The following POMGNT2 variants were observed in gnomAD, a reference collection of about 807,000 sequenced individuals.
The protein encoded by POMGNT2 is protein O-linked mannose N-acetylglucosaminyltransferase 2 (beta 1,4-), also known as protein O-linked-mannose beta-1,4-N-acetylglucosaminyltransferase 2.
POMGNT2 carries 32 observed loss-of-function variants against 37.8 expected under a neutral mutation model. That is an observed-to-expected ratio of 0.85 (90% CI 0.64 to 1.14). POMGNT2 has a LOEUF of 1.14. Among genes scored for constraint, POMGNT2 ranks in the 50% most tolerant of loss-of-function variants. The pLI, the probability that POMGNT2 is intolerant of heterozygous loss-of-function variation, is 0.00. For missense variants in POMGNT2, 705 were observed against 780.6 expected (o/e 0.90, Z 1.15); for synonymous variants, 340 against 336.8 (o/e 1.01, Z -0.10).
chr3:43,083,992 A>G (rs2089876205), intron 1 of POMGNT2, among the ~76,000 whole-genome samples: 1 of 152,208 alleles, frequency 6.6e-6, no homozygotes. Context: ...TTCACTGCGT[A>G]TAGAATTTGG....
intron 1 of POMGNT2, among the ~76,000 whole-genome samples, chr3:43,105,362 A>G (rs1332632914): frequency 6.6e-6 from 1 of 152,184 alleles, no homozygotes; most frequent in Admixed American, 6.5e-5. Flanking sequence ...AATCAGCTGC[A>G]GGCCTGCCGG....
In POMGNT2 at chr3:43,080,946, G is replaced by A; in HGVS notation, c.486C>T (p.Asp162=). 12 of 1,614,200 alleles carry A rather than the reference G, an allele frequency of 7.4e-6. No homozygotes were observed. Among genetic ancestry groups the A allele is most frequent in the Non-Finnish European group, 9.3e-6 (11 of 1,180,032 alleles). ...CGTCATGAAAGACGTGCATGAGGTTGTCGGGGTTGAAGCGGTTGGCGATGA... is the reference window on the plus strand; with the variant it reads ...CGTCATGAAAGACGTGCATGAGGTTATCGGGGTTGAAGCGGTTGGCGATGA... ...VALIANRFNP[D]NLMHVFHDDL... Residue 162 remains aspartate (D), a synonymous_variant, in exon 2 of 2, where the codon GAC becomes GAT. Coordinates refer to ENST00000344697, the MANE Select transcript of POMGNT2 (RefSeq NM_032806.6).
rs1197544204 is a variant in POMGNT2 at position 43,105,841 on chromosome 3, G to C, written c.-111C>G. 1 of 151,844 alleles carries C rather than the reference G, an allele frequency of 6.6e-6. No homozygotes were observed. The highest frequency in any genetic ancestry group is 6.6e-5 in the Admixed American group (1 of 15,248). The allele number at this position is 151,844 out of a possible 1,614,324, so 9.4% of individuals were successfully genotyped here. On this transcript the variant is annotated 5_prime_UTR_variant, in exon 1 of 2. Transcript: ENST00000344697. ...CAAGCGCGCGCGCGTCTTACCTGAA[G>C]CCTGGACTCCGCGGGACGAAGCCAC...
intron 1 of POMGNT2, among the ~76,000 whole-genome samples, chr3:43,085,964 C>A (rs952176150): frequency 2.0e-5 from 3 of 152,076 alleles, no homozygotes; most frequent in African/African-American, 7.2e-5. Flanking sequence ...GTTCCAGGAT[C>A]CCCAGCTGGT....
rs1328366033 is a variant in POMGNT2, at chr3:43,098,640, AAG to A, written c.-106+7194_-106+7195del. On this transcript the variant is annotated intron_variant, in intron 1 of 1. Transcript: ENST00000344697. This position sits in a 1 kb window ranked among gnomAD's most constrained non-coding sequence, Gnocchi z 4.3. ...GGTAGTATCTTCTTGCTTTAGAATAAAGAGCAAAGCAAAGTCAAAGCTGGAGA... is the reference window on the plus strand; with the variant it reads ...GGTAGTATCTTCTTGCTTTAGAATAAAGCAAAGCAAAGTCAAAGCTGGAGA... Among the ~76,000 whole-genome samples the A allele has an allele frequency of 2.0e-5, 3 of 152,346 alleles. No homozygotes were observed. The highest frequency in any genetic ancestry group is 7.2e-5 in the African/African-American group (3 of 41,576).
At chr3:43,095,873 C>T (rs935879257) in intron 1 of POMGNT2, among the ~76,000 whole-genome samples, 4 of 152,154 alleles carry the variant, frequency 2.6e-5, no homozygotes, top group South Asian at 2.1e-4. Context: ...AATAAGGGCA[C>T]GCACATCCCA....
At chr3:43,086,596 A>C (rs674118) in intron 1 of POMGNT2, among the ~76,000 whole-genome samples, 148,029 of 152,286 alleles carry the variant, frequency 0.97, 72,080 homozygotes, top group Middle Eastern at 1. Context: ...ACGTTGCAGC[A>C]GGAACCCTGC....
intron 1 of POMGNT2, among the ~76,000 whole-genome samples, chr3:43,084,507 T>C (rs2089880289): frequency 1.3e-5 from 2 of 152,064 alleles, no homozygotes; most frequent in Admixed American, 1.3e-4. Flanking sequence ...TAGCCAGGCA[T>C]GGTGGCGGGC....
At position 43,080,488 on chromosome 3, in the gene POMGNT2, T is replaced by C. The variant is rs763901490; in HGVS notation, c.944A>G (p.Gln315Arg). ...ELLLALAQEF[Q>R]MKTVTVSLED... Reference sequence around the variant, plus strand: ...CAGGGACACTGTCACTGTCTTCATCTGGAACTCCTGGGCCAGTGCCAGCAG... The same window carrying C: ...CAGGGACACTGTCACTGTCTTCATCCGGAACTCCTGGGCCAGTGCCAGCAG... The change falls in exon 2 of 2, where the codon CAG (glutamine) becomes CGG (arginine). Residue 315 changes from glutamine (Q) to arginine (R), a missense_variant. Physicochemically the swap from Gln to Arg is conservative, Grantham distance 43. Transcript: ENST00000344697. 6.2e-7 allele frequency: 1 copy of C among 1,614,202 alleles called. No individual in the cohort carries two copies. The highest frequency in any genetic ancestry group is 2.2e-5 in the East Asian group (1 of 44,882).
Position 43,081,286 on chromosome 3 carries a change from A to G in POMGNT2, c.146T>C (p.Leu49Pro), listed in dbSNP as rs1194187476. ...SRQATEPAPA[L>P]RIDYPKALQI... is the part of the protein sequence containing the mutation. ...CAGTGCCTTCGGGTAGTCGATCCTC[A>G]GTGCTGGGGCTGGCTCTGTGGCCTG... The change falls in exon 2 of 2, where the codon CTG becomes CCG. Residue 49 changes from leucine to proline, a missense_variant. Physicochemically the swap from Leu to Pro is moderately conservative, Grantham distance 98 (BLOSUM62 -3). Coordinates refer to ENST00000344697, the MANE Select transcript of POMGNT2 (RefSeq NM_032806.6). 4 of 1,613,070 alleles carry G rather than the reference A, an allele frequency of 2.5e-6. No homozygotes were observed. In the African/African-American group the frequency reaches 5.3e-5, roughly 22 times the overall value.
chr3:43,093,323 C>T (rs974929328), intron 1 of POMGNT2, among the ~76,000 whole-genome samples: 2 of 152,170 alleles, frequency 1.3e-5, no homozygotes, highest in Admixed American at 6.5e-5. Context: ...GACTGGAGGA[C>T]GTGGGGGCTG....
chr3:43,092,036 A>G (rs1290406130), intron 1 of POMGNT2, among the ~76,000 whole-genome samples: 1 of 152,224 alleles, frequency 6.6e-6, no homozygotes, highest in Non-Finnish European at 1.5e-5. Context: ...AACTTAATGC[A>G]GTGTGGGATT....
chr3:43,102,373 G>T lies in POMGNT2; in HGVS notation c.-106+3463C>A, dbSNP rs576727380. On this transcript the variant is annotated intron_variant, in intron 1 of 1. Coordinates refer to ENST00000344697, the MANE Select transcript of POMGNT2 (RefSeq NM_032806.6). ...CAGAATGGAGAAAACAGATAAATTT[G>T]TAGCATAAGCTTGTACCAATGGCAG... Among the ~76,000 whole-genome samples the T allele has an allele frequency of 1.8e-4, 28 of 152,342 alleles. No homozygotes were observed. The East Asian group carries it at 4.6e-3, about 25-fold the overall frequency.
In POMGNT2 at chr3:43,079,467, C is replaced by T. The variant is rs2089825046; in HGVS notation, c.*222G>A. The T allele has an allele frequency of 3.8e-6, 2 of 519,868 alleles. No individual in the cohort carries two copies. The highest frequency in any genetic ancestry group is 6.7e-6 in the Non-Finnish European group (2 of 296,968). 32.2% of individuals were successfully genotyped at this position (519,868 alleles called of 1,614,324 possible). On this transcript the variant is annotated 3_prime_UTR_variant, in exon 2 of 2. Transcript: ENST00000344697. ...TCCTCCTCCCTGCTAAGGAACTTCT[C>T]CAGGGGTACAAATGTTCAGGATGGG... is the stretch of plus-strand genomic sequence containing the variant.
At chr3:43,085,534 A>G (rs1316891130) in intron 1 of POMGNT2, among the ~76,000 whole-genome samples, 5 of 152,120 alleles carry the variant, frequency 3.3e-5, no homozygotes, top group Non-Finnish European at 5.9e-5. Flanking sequence ...CCATTCACGT[A>G]AGATGTGCCT....
At chr3:43,104,924 G>A (rs2090046386) in intron 1 of POMGNT2, among the ~76,000 whole-genome samples, 1 of 152,146 alleles carries the variant, frequency 6.6e-6, no homozygotes, top group Non-Finnish European at 1.5e-5. Context: ...AACGCACACC[G>A]CTAGTAGCCG....
intron 1 of POMGNT2, among the ~76,000 whole-genome samples, chr3:43,100,370 G>A (rs2125711697): frequency 6.6e-6 from 1 of 152,312 alleles, no homozygotes; most frequent in East Asian, 1.9e-4. Flanking sequence ...TATACAGGAG[G>A]ATTGTGTAGG....
chr3:43,081,806 A>T (rs2089858757), intron 1 of POMGNT2, among the ~76,000 whole-genome samples: 2 of 152,382 alleles, frequency 1.3e-5, no homozygotes, highest in South Asian at 4.1e-4. Context: ...GTGAGATGTC[A>T]GCAGACAGAA....
intron 1 of POMGNT2, among the ~76,000 whole-genome samples, chr3:43,095,464 C>T (rs1447616091): frequency 1.3e-5 from 2 of 152,156 alleles, no homozygotes; most frequent in African/African-American, 4.8e-5. Flanking sequence ...AAAAACAGAT[C>T]AGCCCTTTTC....
Sources: gnomAD v4.1 joint callset for allele counts (sites outside exome capture counted in the v4.1 genomes callset) on GRCh38, gnomAD v4.1.1 for gene constraint, Gnocchi (gnomAD v3.1) non-coding constraint, MANE v1.5 for transcripts, NCBI Gene and HGNC (gene_info 2026-07-23, HGNC 2026-07-21) for gene names.